Variants in FSTL4 observed in about 807,000 individuals in gnomAD.
FSTL4 encodes the protein follistatin-related protein 4.
FSTL4 carries 28 observed loss-of-function variants against 78.2 expected under a neutral mutation model. That is an observed-to-expected ratio of 0.36 (90% CI 0.27 to 0.49). The LOEUF is 0.49. Among genes scored for constraint, FSTL4 ranks in the 20% least tolerant of loss-of-function variants. The pLI is 0.98. For missense variants in FSTL4, 922 were observed against 1,084.9 expected, an observed-to-expected ratio of 0.85 and a Z score of 2.11; for synonymous variants, 422 against 440.5, an observed-to-expected ratio of 0.96 and a Z score of 0.53.
intron 3 of FSTL4, among the ~76,000 whole-genome samples, chr5:133,423,097 T>C (rs984470833): frequency 2.4e-4 from 37 of 152,058 alleles, no homozygotes; most frequent in African/African-American, 8.9e-4. Flanking sequence ...CTGGGGGAAA[T>C]GGAAAGAAAA....
intron 3 of FSTL4, among the ~76,000 whole-genome samples, chr5:133,493,374 G>A (rs532566624): frequency 1.3e-5 from 2 of 152,252 alleles, no homozygotes; most frequent in South Asian, 4.1e-4. Context: ...ACTGATCTGG[G>A]ACCTATCTTT....
chr5:133,396,228 C>A (rs1016888803), intron 4 of FSTL4, among the ~76,000 whole-genome samples: 1 of 152,202 alleles, frequency 6.6e-6, no homozygotes, highest in Admixed American at 6.5e-5. Flanking sequence ...AGCATCATCC[C>A]TAGTGCTGTT....
chr5:133,205,575 C>A (rs7729417), intron 14 of FSTL4, among the ~76,000 whole-genome samples: 93,879 of 152,106 alleles, frequency 0.62, 29,326 homozygotes, highest in Middle Eastern at 0.71. Flanking sequence ...CAATTTATTC[C>A]TTTAAAAAAA....
At chr5:133,428,290 G>A (rs1416818019) in intron 3 of FSTL4, among the ~76,000 whole-genome samples, 2 of 152,204 alleles carry the variant, frequency 1.3e-5, no homozygotes, top group African/African-American at 2.4e-5. Flanking sequence ...CATGGCAGAA[G>A]TAGGGCCTGC....
chr5:133,216,605 C>G (rs1474041209), intron 13 of FSTL4, among the ~76,000 whole-genome samples: 1 of 152,224 alleles, frequency 6.6e-6, no homozygotes, highest in East Asian at 1.9e-4. Context: ...CCCACCTCAG[C>G]CTCCCAAAGT....
chr5:133,327,023 G>A (rs1245031426), intron 4 of FSTL4, among the ~76,000 whole-genome samples: 2 of 152,230 alleles, frequency 1.3e-5, no homozygotes, highest in African/African-American at 4.8e-5. Context: ...TCATTAGACA[G>A]ATGGGAAAAC....
Position 133,220,756 on chromosome 5 carries a change from T to G in FSTL4, c.1450A>C (p.Met484Leu). The change falls in exon 12 of 16, where the codon ATG becomes CTG. Residue 484 changes from methionine to leucine, a missense_variant. Physicochemically the swap from Met to Leu is conservative, Grantham distance 15. Transcript: ENST00000265342. Reference sequence around the variant, plus strand: ...CAGGCACAGTTACTTACATAGCTCATGAAAATCTTTTCCGTGGGTTTGAGG... The same window carrying G: ...CAGGCACAGTTACTTACATAGCTCAGGAAAATCTTTTCCGTGGGTTTGAGG... Reference protein sequence around the residue: ...RHLKPTEKIFMSYEEICPQRE... With the variant: ...RHLKPTEKIFLSYEEICPQRE... 2.6e-6 allele frequency: 4 copies of G among 1,564,128 alleles called. No individual in the cohort carries two copies. The highest frequency in any genetic ancestry group is 3.5e-6 in the Non-Finnish European group (4 of 1,134,162).
intron 3 of FSTL4, among the ~76,000 whole-genome samples, chr5:133,459,018 C>T (rs942035992): frequency 2.6e-5 from 4 of 152,122 alleles, no homozygotes; most frequent in Non-Finnish European, 5.9e-5. Context: ...ATGGCTCAGA[C>T]CTCTGCCTTA....
chr5:133,517,608 T>TTGTG (rs34680612), intron 3 of FSTL4, among the ~76,000 whole-genome samples: 7,364 of 139,314 alleles, frequency 0.053, 247 homozygotes, highest in African/African-American at 0.097. Flanking sequence ...ATAGAACTAA[T>TTGTG]TGTGTGTGTG....
At chr5:133,479,530 A>G (rs1413601616) in intron 3 of FSTL4, among the ~76,000 whole-genome samples, 1 of 152,266 alleles carries the variant, frequency 6.6e-6, no homozygotes, top group Non-Finnish European at 1.5e-5. Context: ...ACCAAAAGAC[A>G]TGCAACAACA....
chr5:133,726,199 A>C, the FSTL4 span, among the ~76,000 whole-genome samples: 1 of 152,174 alleles, frequency 6.6e-6, no homozygotes, highest in Admixed American at 6.5e-5. Context: ...CACCTCACCC[A>C]CACAGACAAG....
At chr5:133,682,960 A>G in the FSTL4 span, among the ~76,000 whole-genome samples, 1 of 152,204 alleles carries the variant, frequency 6.6e-6, no homozygotes, top group Non-Finnish European at 1.5e-5. Context: ...CCACTGAGCC[A>G]TCTTGGTGGG....
At chr5:133,354,330 C>G (rs1042910756) in intron 4 of FSTL4, among the ~76,000 whole-genome samples, 3 of 152,216 alleles carry the variant, frequency 2.0e-5, no homozygotes, top group Non-Finnish European at 4.4e-5. Context: ...ATCCCTATTG[C>G]TGAAATGGGA....
intron 14 of FSTL4, among the ~76,000 whole-genome samples, chr5:133,205,761 G>GTAGTT (rs1750477554): frequency 6.8e-6 from 1 of 146,768 alleles, no homozygotes. Flanking sequence ...GTAAACAGTG[G>GTAGTT]TAGTTTGCAT....
At chr5:133,202,074 C>T (rs1581520059) in intron 14 of FSTL4, 32 bp from the exon 15 acceptor site, 3 of 1,447,534 alleles carry the variant, frequency 2.1e-6, no homozygotes, top group Admixed American at 1.8e-5. Flanking sequence ...CTAGTGAGGG[C>T]CCATGCAGGT....
chr5:133,402,778 G>C (rs191510897), intron 3 of FSTL4, among the ~76,000 whole-genome samples: 36 of 152,304 alleles, frequency 2.4e-4, no homozygotes, highest in African/African-American at 8.2e-4. Flanking sequence ...TAATAAACTA[G>C]AAGGTCAAAT....
intron 6 of FSTL4, among the ~76,000 whole-genome samples, chr5:133,290,912 G>A (rs544723252): frequency 1.8e-4 from 27 of 152,342 alleles, no homozygotes; most frequent in East Asian, 3.9e-4. Context: ...TGGCCAGCCC[G>A]TCAGGGAGGA....
At chr5:133,620,885 A>G in the FSTL4 span, among the ~76,000 whole-genome samples, 3 of 152,216 alleles carry the variant, frequency 2.0e-5, no homozygotes, top group African/African-American at 7.2e-5. Flanking sequence ...TTCCTTAAAG[A>G]ACTAAAAGTA....
At chr5:133,249,320 C>G in intron 7 of FSTL4, 90 bp downstream of exon 7, 1 of 1,024,808 alleles carries the variant, frequency 9.8e-7, no homozygotes, top group Non-Finnish European at 1.5e-6. Context: ...AACTAAAACT[C>G]TCCCGTCCTG....
Sources: allele counts gnomAD v4.1 joint callset (sites outside exome capture counted in the v4.1 genomes callset), GRCh38; gene constraint gnomAD v4.1.1; transcripts MANE v1.5; gene names NCBI Gene and HGNC (gene_info 2026-07-23, HGNC 2026-07-21).